Variants in TEK observed in about 807,000 individuals in gnomAD.
TEK encodes the protein TEK receptor tyrosine kinase.
TEK carries 43 observed loss-of-function variants against 131.8 expected under a neutral mutation model. The ratio of observed to expected loss-of-function variants is 0.33; its 90% CI spans 0.26 to 0.42. The LOEUF is 0.42. TEK is among the 10% of genes least tolerant of loss of function. The pLI is 1.00. For synonymous variants in TEK, 580 were observed against 491.6 expected (o/e 1.18, Z -2.38); for missense variants, 1,162 against 1,384.4 (o/e 0.84, Z 2.55).
At chr9:27,211,381 T>C (rs1825621944) in intron 16 of TEK, among the ~76,000 whole-genome samples, 1 of 131,678 alleles carries the variant, frequency 7.6e-6, no homozygotes, top group Non-Finnish European at 1.6e-5. Context: ...CAGGTTTCAA[T>C]ATTACTTTTC....
At chr9:27,189,460 A>G (rs997972933) in intron 9 of TEK, among the ~76,000 whole-genome samples, 1 of 152,202 alleles carries the variant, frequency 6.6e-6, no homozygotes, top group African/African-American at 2.4e-5. Context: ...GCATCCTCCA[A>G]GAACCAATTT....
rs372218314 is a variant in TEK, at chr9:27,220,184, T to A, written c.3200+39T>A. 7.8e-4 allele frequency: 1,250 copies of A among 1,601,528 alleles called. 26 individuals carry two copies. The South Asian group carries it at 0.013, about 16-fold the overall frequency. On this transcript the variant is annotated intron_variant, in intron 21 of 22. Coordinates refer to ENST00000380036, the MANE Select transcript of TEK (RefSeq NM_000459.5). ...CATCCTGGGGCTATTTTGTCTTACC[T>A]TCCCCCTGTGTGTTTCTGGGGCCAG...
intron 1 of TEK, among the ~76,000 whole-genome samples, chr9:27,132,233 G>A (rs1453705423): frequency 6.6e-6 from 1 of 151,716 alleles, no homozygotes; most frequent in East Asian, 1.9e-4. Context: ...GATCACAGGC[G>A]TGCACCACCA....
intron 20 of TEK, 102 bp from the exon 21 acceptor site, chr9:27,219,947 A>C (rs1451754697): frequency 1.1e-5 from 14 of 1,220,494 alleles, no homozygotes; most frequent in Non-Finnish European, 1.7e-5. Context: ...CTCTCTTGCC[A>C]TACCATGTCT....
At chr9:27,117,764 C>T (rs1424054377) in intron 1 of TEK, among the ~76,000 whole-genome samples, 1 of 152,212 alleles carries the variant, frequency 6.6e-6, no homozygotes, top group Non-Finnish European at 1.5e-5. Context: ...CTGTCATTTG[C>T]TCTCTGCTTG....
intron 1 of TEK, among the ~76,000 whole-genome samples, chr9:27,144,627 A>T (rs1352374448): frequency 6.6e-6 from 1 of 152,144 alleles, no homozygotes; most frequent in African/African-American, 2.4e-5. Flanking sequence ...GAGGCGAGGG[A>T]ATGTGATCAG....
chr9:27,217,468 C>T (rs1329993296), intron 18 of TEK, among the ~76,000 whole-genome samples: 2 of 152,218 alleles, frequency 1.3e-5, no homozygotes, highest in Admixed American at 1.3e-4. Flanking sequence ...CACACTCACA[C>T]TTCCATTCAT....
intron 18 of TEK, among the ~76,000 whole-genome samples, chr9:27,216,305 G>GGT (rs1470373493): frequency 1.3e-5 from 2 of 152,152 alleles, no homozygotes; most frequent in Non-Finnish European, 2.9e-5. Flanking sequence ...GTTGTCATCA[G>GGT]GTGTGGTATG....
At chr9:27,154,485 C>G (rs1301333829) in intron 1 of TEK, among the ~76,000 whole-genome samples, 3 of 152,202 alleles carry the variant, frequency 2.0e-5, no homozygotes, top group African/African-American at 2.4e-5. Flanking sequence ...CCAGTACACA[C>G]AAGCATATAG....
At chr9:27,192,693 A>G (rs1225299945) in intron 11 of TEK, 70 bp downstream of exon 11, 2 of 739,822 alleles carry the variant, frequency 2.7e-6, no homozygotes, top group Non-Finnish European at 4.2e-6. Context: ...AGAGGAAGGA[A>G]GACCAGGAAG....
chr9:27,174,236 G>A (rs551521775), intron 6 of TEK, among the ~76,000 whole-genome samples: 2 of 152,244 alleles, frequency 1.3e-5, no homozygotes, highest in South Asian at 4.1e-4. Flanking sequence ...ATTAGCCAGA[G>A]CTCAAAGGCT....
At position 27,209,231 on chromosome 9, in the gene TEK, G is replaced by C; in HGVS notation, c.2686G>C (p.Gly896Arg). 1 of 1,603,706 alleles carries C rather than the reference G, an allele frequency of 6.2e-7. No homozygotes were observed. The highest frequency in any genetic ancestry group is 8.5e-7 in the Non-Finnish European group (1 of 1,170,612). ...TCTCTTAGGAGCATGTGAACATCGA[G>C]GTAAGATGCTCTTTTCCTGTCTTTC... is the stretch of plus-strand genomic sequence containing the variant. ...INLLGACEHR[G>R]YLYLAIEYAP... Residue 896 changes from glycine (G) to arginine (R), a missense_variant and splice_region_variant, in exon 16 of 23, where the codon GGC becomes CGC. Around this residue, in one of 6 missense-constraint regions of TEK, gnomAD observed 57 missense variants for 100.8 expected, o/e 0.57. Transcript: ENST00000380036.
At chr9:27,185,002 C>G (rs950930650) in intron 8 of TEK, among the ~76,000 whole-genome samples, 2 of 151,882 alleles carry the variant, frequency 1.3e-5, no homozygotes, top group African/African-American at 4.8e-5. Flanking sequence ...CTCAACTGCA[C>G]TCCAGCCTGA....
At chr9:27,119,586 C>T (rs1821701684) in intron 1 of TEK, among the ~76,000 whole-genome samples, 1 of 152,002 alleles carries the variant, frequency 6.6e-6, no homozygotes, top group Admixed American at 6.6e-5. Context: ...GGTTCTTGGG[C>T]TTCTGCTAAA....
intron 20 of TEK, 141 bp downstream of exon 20, chr9:27,218,958 T>TATTA: frequency 2.3e-6 from 2 of 861,338 alleles, no homozygotes; most frequent in East Asian, 2.6e-5. Flanking sequence ...AAACATAGTG[T>TATTA]ATTAATTCCC....
At chr9:27,185,081 C>A (rs933226048) in intron 8 of TEK, among the ~76,000 whole-genome samples, 2 of 151,988 alleles carry the variant, frequency 1.3e-5, no homozygotes, top group African/African-American at 4.8e-5. Context: ...TCTTCAGAAC[C>A]CTGGATTTTT....
Position 27,123,446 on chromosome 9 carries a change from C to T in TEK, c.52+13804C>T, listed in dbSNP as rs558124470. On this transcript the variant is annotated intron_variant, in intron 1 of 22. Transcript: ENST00000380036. ...GGTCCCTTAAATCACCTGAATTAGG[C>T]GATATTTTAGTTTTATAAATACACT... 1.1e-3 allele frequency among the ~76,000 whole-genome samples: 174 copies of T among 152,146 alleles called. 1 individual carries two copies. The highest frequency in any genetic ancestry group is 4.1e-3 in the African/African-American group (170 of 41,506).
intron 11 of TEK, among the ~76,000 whole-genome samples, chr9:27,194,318 C>T (rs1824929340): frequency 6.6e-6 from 1 of 152,190 alleles, no homozygotes. Flanking sequence ...CCTTCCTTCA[C>T]ACCACCCACC....
chr9:27,197,553 C>A lies in TEK; in HGVS notation c.1863C>A (p.Ala621=), dbSNP rs766259942. ...TCCGAGCTAGAGTCAACACCAAGGC[C>A]CAGGGGGAATGGAGTGAAGATCTCA... ...YVVRARVNTK[A]QGEWSEDLTA... is the part of the protein sequence containing the mutation. Residue 621 remains alanine (A), a synonymous_variant, in exon 12 of 23, where the codon GCC becomes GCA. Transcript: ENST00000380036. 1.2e-6 allele frequency: 2 copies of A among 1,613,926 alleles called. No individual in the cohort carries two copies. Among genetic ancestry groups the A allele is most frequent in the Non-Finnish European group, 1.7e-6 (2 of 1,179,948 alleles).
Sources: allele counts gnomAD v4.1 joint callset (sites outside exome capture counted in the v4.1 genomes callset), GRCh38; gene constraint gnomAD v4.1.1; regional missense constraint gnomAD v4.1.1; transcripts MANE v1.5; gene names NCBI Gene and HGNC (gene_info 2026-07-23, HGNC 2026-07-21).